Variants in RBFOX1 observed in about 807,000 individuals in gnomAD.
RBFOX1 encodes the protein RNA binding fox-1 homolog 1, also known as RNA binding protein fox-1 homolog 1.
Under a neutral mutation model 57.7 loss-of-function variants are expected in RBFOX1, and 8 were observed. The observed-to-expected ratio is 0.14, with a 90% CI of 0.08 to 0.25. RBFOX1 has a LOEUF of 0.25. RBFOX1 is among the 10% of genes least tolerant of loss of function. The pLI is 1.00. For synonymous variants in RBFOX1, 326 were observed against 222.4 expected (o/e 1.47, Z -4.15); for missense variants, 611 against 548.5 (o/e 1.11, Z -1.14).
chr16:7,398,282 T>G (rs2098176070), intron 4 of RBFOX1, among the ~76,000 whole-genome samples: 1 of 152,142 alleles, frequency 6.6e-6, no homozygotes, highest in South Asian at 2.1e-4. Context: ...TCTTTCCCTC[T>G]GGGTGACACT....
At chr16:7,145,842 C>T (rs1436723227) in intron 4 of RBFOX1, among the ~76,000 whole-genome samples, 2 of 152,120 alleles carry the variant, frequency 1.3e-5, no homozygotes, top group Non-Finnish European at 2.9e-5. Flanking sequence ...ATGGCTCCTC[C>T]ATATGGCCAG....
chr16:5,931,097 G>A (rs756440375), intron 4 of RBFOX1, among the ~76,000 whole-genome samples: 1 of 152,250 alleles, frequency 6.6e-6, no homozygotes, highest in East Asian at 1.9e-4. Context: ...CTTAGATGTT[G>A]TCATTAGTAC....
intron 4 of RBFOX1, among the ~76,000 whole-genome samples, chr16:7,315,054 C>G (rs1321877250): frequency 6.7e-6 from 1 of 150,280 alleles, no homozygotes; most frequent in Non-Finnish European, 1.5e-5. Flanking sequence ...ATTTGGAGCC[C>G]TCAATCAATC....
chr16:5,856,045 T>C (rs376757828), intron 3 of RBFOX1, among the ~76,000 whole-genome samples: 76 of 145,744 alleles, frequency 5.2e-4, no homozygotes, highest in African/African-American at 1.8e-3. Flanking sequence ...AGTAGTTCAT[T>C]CTTTGTGTAT....
At chr16:6,807,408 A>G (rs74875212) in intron 3 of RBFOX1, among the ~76,000 whole-genome samples, 4,752 of 152,186 alleles carry the variant, frequency 0.031, 242 homozygotes, top group African/African-American at 0.11. Flanking sequence ...GGTTGACTGA[A>G]TGGTGGTGCC....
intron 1 of RBFOX1, among the ~76,000 whole-genome samples, chr16:6,229,402 C>T (rs2097441724): frequency 6.6e-6 from 1 of 152,016 alleles, no homozygotes; most frequent in Non-Finnish European, 1.5e-5. Flanking sequence ...CTCGTTTTCC[C>T]CCTATCTTTT....
chr16:6,501,356 G>C (rs1416247038), intron 2 of RBFOX1, among the ~76,000 whole-genome samples: 1 of 130,422 alleles, frequency 7.7e-6, no homozygotes, highest in East Asian at 2.2e-4. Flanking sequence ...TGTTCTCACT[G>C]TTCAATTCCC....
chr16:6,779,322 C>T (rs1030534283), intron 3 of RBFOX1, among the ~76,000 whole-genome samples: 2 of 151,934 alleles, frequency 1.3e-5, no homozygotes, highest in East Asian at 3.9e-4. Context: ...CCAGTTGTGT[C>T]TATGCTGTTT....
chr16:6,246,912 T>C (rs2097572337), intron 1 of RBFOX1, among the ~76,000 whole-genome samples: 1 of 152,072 alleles, frequency 6.6e-6, no homozygotes. Flanking sequence ...CTACTAAAAA[T>C]GCCTAAAACT....
At chr16:6,495,375 C>G (rs771915289) in intron 2 of RBFOX1, among the ~76,000 whole-genome samples, 1 of 151,822 alleles carries the variant, frequency 6.6e-6, no homozygotes, top group Non-Finnish European at 1.5e-5. Context: ...GCCCCCCGCC[C>G]CCGCCTTGGC....
intron 3 of RBFOX1, among the ~76,000 whole-genome samples, chr16:6,727,579 A>G (rs55642912): frequency 0.026 from 4,022 of 152,166 alleles, 178 homozygotes; most frequent in African/African-American, 0.091. Context: ...CTTGGGGCCT[A>G]TGCTTGAGTG....
chr16:6,354,927 G>A (rs1051621848), intron 2 of RBFOX1, among the ~76,000 whole-genome samples: 2 of 152,128 alleles, frequency 1.3e-5, no homozygotes, highest in African/African-American at 4.8e-5. Context: ...CACATAAGGA[G>A]ACCCAAGTGC....
At chr16:5,776,063 T>C (rs2054137646) in intron 3 of RBFOX1, among the ~76,000 whole-genome samples, 1 of 152,206 alleles carries the variant, frequency 6.6e-6, no homozygotes, top group Non-Finnish European at 1.5e-5. Context: ...GAAATGGCTT[T>C]CCCCTTTCAT....
At chr16:6,630,996 G>A (rs2098378477) in intron 2 of RBFOX1, among the ~76,000 whole-genome samples, 1 of 152,134 alleles carries the variant, frequency 6.6e-6, no homozygotes, top group South Asian at 2.1e-4. Context: ...GGCTATACTT[G>A]GACCTAACTC....
chr16:7,115,642 T>C (rs1490042609), intron 4 of RBFOX1, among the ~76,000 whole-genome samples: 2 of 152,174 alleles, frequency 1.3e-5, no homozygotes, highest in African/African-American at 4.8e-5. Flanking sequence ...ACATAGCTCC[T>C]CCAGAATAAG....
At chr16:6,768,401 A>C (rs1447835944) in intron 3 of RBFOX1, among the ~76,000 whole-genome samples, 1 of 152,012 alleles carries the variant, frequency 6.6e-6, no homozygotes, top group Admixed American at 6.6e-5. Flanking sequence ...ATACAAATAT[A>C]ATTGCTCCAA....
intron 3 of RBFOX1, among the ~76,000 whole-genome samples, chr16:6,844,569 T>C (rs1452163506): frequency 2.0e-5 from 3 of 152,204 alleles, no homozygotes; most frequent in African/African-American, 7.2e-5. Flanking sequence ...ACTTTTTTTT[T>C]TATCCAGTCT....
At position 5,500,572 on chromosome 16, in the gene RBFOX1, C is replaced by T. The variant is rs189870692; in HGVS notation, c.258+33318C>T. Among the ~76,000 whole-genome samples, 4 of 152,258 alleles carry T rather than the reference C, an allele frequency of 2.6e-5. No homozygotes were observed. In the East Asian group the frequency reaches 7.7e-4, roughly 29 times the overall value. ...ATGCAGCTGCTAAACTTACTTCATG[C>T]TCTTTCTGTCTCTGCCATCAGCTAT... On this transcript the variant is annotated intron_variant, in intron 2 of 2. Coordinates refer to the RBFOX1 transcript ENST00000585867.
chr16:5,762,431 C>G (rs548313179), intron 3 of RBFOX1, among the ~76,000 whole-genome samples: 35 of 151,420 alleles, frequency 2.3e-4, no homozygotes, highest in Middle Eastern at 3.5e-3. Flanking sequence ...CAGTCTCATA[C>G]CAGGCTGGTA....
Sources: gnomAD v4.1 joint callset for allele counts (sites outside exome capture counted in the v4.1 genomes callset) on GRCh38, gnomAD v4.1.1 for gene constraint, MANE v1.5 for transcripts, NCBI Gene and HGNC (gene_info 2026-07-23, HGNC 2026-07-21) for gene names.